Variants in MSI2 observed in about 807,000 individuals in gnomAD.
MSI2 encodes musashi RNA binding protein 2.
MSI2 carries 17 observed loss-of-function variants against 45.6 expected under a neutral mutation model. The observed-to-expected ratio is 0.37, with a 90% CI of 0.26 to 0.56. MSI2 has a LOEUF of 0.56. Among genes scored for constraint, MSI2 ranks in the 20% least tolerant of loss-of-function variants. MSI2 has a pLI of 0.77. For synonymous variants in MSI2, 156 were observed against 158.2 expected, an observed-to-expected ratio of 0.99 and a Z score of 0.11; for missense variants, 293 against 444.2, an observed-to-expected ratio of 0.66 and a Z score of 3.06.
intron 7 of MSI2, among the ~76,000 whole-genome samples, chr17:57,534,054 C>A (rs947342925): frequency 1.3e-5 from 2 of 152,362 alleles, no homozygotes; most frequent in South Asian, 4.1e-4. Context: ...TGAGCACTTA[C>A]AACACCAAGT....
chr17:57,424,024 T>C (rs17761545), intron 6 of MSI2, among the ~76,000 whole-genome samples: 11,663 of 152,300 alleles, frequency 0.077, 622 homozygotes, highest in Non-Finnish European at 0.11. Flanking sequence ...CAATTTTTAT[T>C]ATATACATCT....
intron 5 of MSI2, chr17:57,265,475 C>G (rs1190501159): frequency 6.6e-6 from 1 of 152,132 alleles, no homozygotes; most frequent in Admixed American, 6.5e-5. Context: ...CAGTGAAGAA[C>G]AGATTTCATA....
At chr17:57,413,853 C>G (rs865842141) in intron 6 of MSI2, among the ~76,000 whole-genome samples, 10 of 151,976 alleles carry the variant, frequency 6.6e-5, no homozygotes, top group African/African-American at 2.4e-4. Context: ...TGCAGGGAAA[C>G]AGTCATCCTT....
At chr17:57,432,079 C>T (rs976260990) in intron 6 of MSI2, among the ~76,000 whole-genome samples, 1 of 152,078 alleles carries the variant, frequency 6.6e-6, no homozygotes, top group African/African-American at 2.4e-5. Flanking sequence ...CGAGTTGTGT[C>T]GCACTTCATA....
chr17:57,414,317 A>G (rs1307431653), intron 6 of MSI2, among the ~76,000 whole-genome samples: 1 of 152,220 alleles, frequency 6.6e-6, no homozygotes, highest in East Asian at 1.9e-4. Context: ...CAGTGGTGGA[A>G]TGAATGGATC....
intron 7 of MSI2, chr17:57,532,344 C>T (rs1159505275): frequency 6.6e-6 from 1 of 152,284 alleles, no homozygotes; most frequent in Non-Finnish European, 1.5e-5. Context: ...CGCCATCCCA[C>T]TGCCCTCCCT....
intron 6 of MSI2, among the ~76,000 whole-genome samples, chr17:57,456,028 C>G (rs549800566): frequency 2.0e-5 from 3 of 152,174 alleles, no homozygotes; most frequent in African/African-American, 7.2e-5. Context: ...CCAGACGCCC[C>G]GCAGAGACAG....
chr17:57,644,539 C>T (rs1362956795), intron 10 of MSI2, among the ~76,000 whole-genome samples: 1 of 152,090 alleles, frequency 6.6e-6, no homozygotes, highest in Non-Finnish European at 1.5e-5. Flanking sequence ...TGACAGATGG[C>T]GGTGTTTCCA....
chr17:57,431,819 C>A (rs1052450425), intron 6 of MSI2, among the ~76,000 whole-genome samples: 1 of 152,284 alleles, frequency 6.6e-6, no homozygotes, highest in Admixed American at 6.5e-5. Context: ...GGAGGGACCC[C>A]ACTTCACTCT....
intron 6 of MSI2, among the ~76,000 whole-genome samples, chr17:57,497,800 G>A (rs188087882): frequency 2.4e-4 from 37 of 152,294 alleles, no homozygotes; most frequent in Admixed American, 6.5e-4. Context: ...GTTGGGGGCC[G>A]CTGCACTGTC....
chr17:57,518,826 C>T (rs1017146622), intron 6 of MSI2, among the ~76,000 whole-genome samples: 14 of 152,236 alleles, frequency 9.2e-5, no homozygotes, highest in African/African-American at 1.9e-4. Flanking sequence ...GCACAGCAGC[C>T]GCCACTTGAA....
intron 5 of MSI2, among the ~76,000 whole-genome samples, chr17:57,392,772 G>T (rs2083818452): frequency 6.6e-6 from 1 of 152,096 alleles, no homozygotes. Flanking sequence ...CGAAGCGGTG[G>T]GAATGGTGGG....
At position 57,529,781 on chromosome 17, in the gene MSI2, G is replaced by C. The variant is rs1227859236; in HGVS notation, c.454+57G>C. ...TCACCCTCTCCTGGCCTCTCTGTCTGTCATCCCCAGTCCCACTGACAAAAG... is the reference window on the plus strand; with the variant it reads ...TCACCCTCTCCTGGCCTCTCTGTCTCTCATCCCCAGTCCCACTGACAAAAG... On this transcript the variant is annotated intron_variant, in intron 7 of 13. Transcript: ENST00000284073. The surrounding 1 kb of genome is among the most constrained non-coding windows in gnomAD (Gnocchi z 5.3). 1.5e-5 allele frequency: 21 copies of C among 1,394,690 alleles called. No homozygotes were observed. In the East Asian group the frequency reaches 4.8e-4, roughly 32 times the overall value. The allele number at this position is 1,394,690 out of a possible 1,614,324, so 86.4% of individuals were successfully genotyped here. A position where few individuals can be genotyped will look rare whatever the true frequency, so the allele number is the denominator to read the frequency against.
chr17:57,288,413 T>G (rs923352869), intron 5 of MSI2, among the ~76,000 whole-genome samples: 1 of 152,000 alleles, frequency 6.6e-6, no homozygotes, highest in Non-Finnish European at 1.5e-5. Flanking sequence ...CCCTGAAAGG[T>G]TAGTTGTACC....
At chr17:57,271,916 T>A (rs1239440194) in intron 5 of MSI2, among the ~76,000 whole-genome samples, 1 of 152,064 alleles carries the variant, frequency 6.6e-6, no homozygotes, top group Non-Finnish European at 1.5e-5. Context: ...TCAAAGCTTT[T>A]GATAGTTTCC....
intron 7 of MSI2, among the ~76,000 whole-genome samples, chr17:57,542,942 T>G (rs1457843680): frequency 6.6e-6 from 1 of 152,222 alleles, no homozygotes; most frequent in Non-Finnish European, 1.5e-5. Context: ...TTTGCTTGAT[T>G]ATTTGATTTG....
At chr17:57,401,955 C>T (rs9941359) in intron 6 of MSI2, among the ~76,000 whole-genome samples, 1,588 of 152,222 alleles carry the variant, frequency 0.01, 20 homozygotes, top group African/African-American at 0.036. Flanking sequence ...GGAAACCATG[C>T]GAGGCCTGTA....
intron 6 of MSI2, among the ~76,000 whole-genome samples, chr17:57,435,027 A>G (rs904916440): frequency 1.3e-5 from 2 of 152,308 alleles, no homozygotes; most frequent in Admixed American, 6.5e-5. Context: ...AACATAGCAG[A>G]GAGTTCTCTT....
intron 6 of MSI2, among the ~76,000 whole-genome samples, chr17:57,464,403 CA>C (rs984378741): frequency 5.3e-5 from 8 of 152,018 alleles, no homozygotes; most frequent in Non-Finnish European, 1.5e-5. Flanking sequence ...ATGATTGTGC[CA>C]CTGCACTCCA....
Sources: gnomAD v4.1 joint callset for allele counts (sites outside exome capture counted in the v4.1 genomes callset) on GRCh38, gnomAD v4.1.1 for gene constraint, Gnocchi (gnomAD v3.1) non-coding constraint, MANE v1.5 for transcripts, NCBI Gene and HGNC (gene_info 2026-07-23, HGNC 2026-07-21) for gene names.